COG5: variants seen among roughly 807,000 people sequenced by gnomAD.
COG5 encodes component of oligomeric golgi complex 5.
Under a neutral mutation model 110.4 loss-of-function variants are expected in COG5, and 86 were observed. That is an observed-to-expected ratio of 0.78 (90% CI 0.65 to 0.93). The LOEUF (loss-of-function observed/expected upper bound fraction) is 0.93. Among genes scored for constraint, COG5 ranks in the 40% least tolerant of loss-of-function variants. The pLI is 0.00. For synonymous variants in COG5, 360 were observed against 334.6 expected (o/e 1.08, Z -0.83); for missense variants, 1,077 against 987.0 (o/e 1.09, Z -1.22).
In COG5 at chr7:107,394,956, A is replaced by G. The variant is rs187249711; in HGVS notation, c.669+17546T>C. 2.6e-3 allele frequency among the ~76,000 whole-genome samples: 397 copies of G among 152,342 alleles called. 3 individuals carry two copies. Among genetic ancestry groups the G allele is most frequent in the African/African-American group, 9.3e-3 (387 of 41,586 alleles). On this transcript the variant is annotated intron_variant, in intron 7 of 21. Transcript: ENST00000297135. ...AGAAGGGCAACAAATTGAGGGAAGG[A>G]AAAGGACAAATACAGAATACAAATT...
At chr7:107,401,538 A>G (rs1346598135) in intron 7 of COG5, among the ~76,000 whole-genome samples, 1 of 152,206 alleles carries the variant, frequency 6.6e-6, no homozygotes, top group East Asian at 1.9e-4. Flanking sequence ...GTGAAACAAC[A>G]GCAAATTATC....
chr7:107,509,913 A>G (rs1412106996), intron 6 of COG5, among the ~76,000 whole-genome samples: 1 of 152,204 alleles, frequency 6.6e-6, no homozygotes, highest in East Asian at 1.9e-4. Context: ...TAAACATGGA[A>G]AGGAACAACC....
chr7:107,491,816 G>T (rs1424868068), intron 6 of COG5, among the ~76,000 whole-genome samples: 4 of 152,030 alleles, frequency 2.6e-5, no homozygotes, highest in African/African-American at 4.8e-5. Flanking sequence ...CTAAAATCTT[G>T]AATAAATATA....
intron 6 of COG5, among the ~76,000 whole-genome samples, chr7:107,430,437 C>G (rs1197962943): frequency 1.3e-5 from 2 of 152,210 alleles, no homozygotes; most frequent in Non-Finnish European, 2.9e-5. Flanking sequence ...TTCTATTTCA[C>G]TGATCTACAT....
At chr7:107,205,713 G>A (rs1317579327) in intron 21 of COG5, among the ~76,000 whole-genome samples, 1 of 152,014 alleles carries the variant, frequency 6.6e-6, no homozygotes, top group Non-Finnish European at 1.5e-5. Context: ...CTTAGGACTC[G>A]GCTTCAATGC....
At chr7:107,335,650 G>A (rs1162696671) in intron 10 of COG5, among the ~76,000 whole-genome samples, 2 of 152,074 alleles carry the variant, frequency 1.3e-5, no homozygotes, top group Non-Finnish European at 2.9e-5. Context: ...GGATTCAATT[G>A]TACAATTATA....
chr7:107,322,116 A>T (rs996646070), intron 11 of COG5, among the ~76,000 whole-genome samples: 2 of 152,234 alleles, frequency 1.3e-5, no homozygotes, highest in African/African-American at 4.8e-5. Context: ...AATGTGGTCA[A>T]CATCTGCTAT....
intron 16 of COG5, among the ~76,000 whole-genome samples, chr7:107,254,842 C>T (rs1480439275): frequency 6.6e-6 from 1 of 152,040 alleles, no homozygotes; most frequent in Non-Finnish European, 1.5e-5. Flanking sequence ...AGAGAATGGA[C>T]CTTCTGAAAC....
intron 7 of COG5, among the ~76,000 whole-genome samples, chr7:107,390,774 A>ACGAT (rs1790566796): frequency 6.7e-6 from 1 of 148,872 alleles, no homozygotes; most frequent in Non-Finnish European, 1.5e-5. Flanking sequence ...AATAAGAGCA[A>ACGAT]CGATCGCCAC....
intron 10 of COG5, among the ~76,000 whole-genome samples, chr7:107,330,997 C>T (rs140080135): frequency 6.6e-6 from 1 of 151,850 alleles, no homozygotes; most frequent in Non-Finnish European, 1.5e-5. Context: ...TAATGGTACA[C>T]AGAGATGTGA....
chr7:107,527,698 A>G (rs1362599744), intron 5 of COG5, among the ~76,000 whole-genome samples: 2 of 152,210 alleles, frequency 1.3e-5, no homozygotes, highest in African/African-American at 4.8e-5. Flanking sequence ...TACATTTTAC[A>G]ATAAACTCCA....
At chr7:107,315,461 G>C (rs1041161538) in intron 11 of COG5, among the ~76,000 whole-genome samples, 1 of 151,866 alleles carries the variant, frequency 6.6e-6, no homozygotes, top group African/African-American at 2.4e-5. Context: ...ACTGCACAAG[G>C]GGTTTTAGAC....
At chr7:107,261,346 G>GAACA (rs1803331395) in intron 14 of COG5, among the ~76,000 whole-genome samples, 1 of 151,778 alleles carries the variant, frequency 6.6e-6, no homozygotes, top group East Asian at 1.9e-4. Flanking sequence ...CTCAGATACA[G>GAACA]GAACGTGCAT....
At chr7:107,308,397 G>A (rs553473069) in intron 11 of COG5, among the ~76,000 whole-genome samples, 1 of 152,236 alleles carries the variant, frequency 6.6e-6, no homozygotes, top group East Asian at 1.9e-4. Flanking sequence ...ACTGATATAG[G>A]TAAGAATTTG....
chr7:107,381,979 A>T (rs1815163354), intron 7 of COG5, among the ~76,000 whole-genome samples: 5 of 152,240 alleles, frequency 3.3e-5, no homozygotes, highest in Admixed American at 2.0e-4. Context: ...TGTTTGCATC[A>T]GTGCAACAAG....
rs545591050 is a variant in COG5, at chr7:107,239,273, A to G, written c.1854-2586T>C. The stretch of plus-strand genomic sequence containing the variant: ...CACCTCTGTCGAAAATCAATTGACT[A>G]TAAATGTGTGAGCTCATTTCTGGGC... On this transcript the variant is annotated intron_variant, in intron 17 of 21. Coordinates refer to ENST00000297135, the MANE Select transcript of COG5 (RefSeq NM_006348.5). 1.1e-3 allele frequency among the ~76,000 whole-genome samples: 160 copies of G among 152,304 alleles called. 3 individuals carry two copies. In the South Asian group the frequency reaches 0.013, roughly 12 times the overall value.
At chr7:107,386,330 C>A (rs1165248115) in intron 7 of COG5, among the ~76,000 whole-genome samples, 1 of 152,112 alleles carries the variant, frequency 6.6e-6, no homozygotes, top group Non-Finnish European at 1.5e-5. Context: ...TCCTGAGAGT[C>A]TGTAAGCGGC....
intron 6 of COG5, among the ~76,000 whole-genome samples, chr7:107,423,427 C>A (rs1289524950): frequency 2.0e-5 from 3 of 152,028 alleles, no homozygotes; most frequent in African/African-American, 7.2e-5. Context: ...TGATCTAGAA[C>A]ATTAAGGGAA....
intron 19 of COG5, among the ~76,000 whole-genome samples, chr7:107,222,006 G>C (rs1799966592): frequency 6.6e-6 from 1 of 152,084 alleles, no homozygotes; most frequent in African/African-American, 2.4e-5. Flanking sequence ...TACAAGGAAG[G>C]AAAGAAGGGC....
Sources: allele counts gnomAD v4.1 joint callset (sites outside exome capture counted in the v4.1 genomes callset), GRCh38; gene constraint gnomAD v4.1.1; transcripts MANE v1.5; gene names NCBI Gene and HGNC (gene_info 2026-07-23, HGNC 2026-07-21).